CUBN: variants seen among roughly 807,000 people sequenced by gnomAD.
CUBN encodes cubilin.
CUBN carries 282 observed loss-of-function variants against 405.3 expected under a neutral mutation model. That is an observed-to-expected ratio of 0.70 (90% CI 0.63 to 0.77). CUBN has a LOEUF of 0.77. CUBN is among the 30% of genes least tolerant of loss of function. The pLI, the probability that CUBN is intolerant of heterozygous loss-of-function variation, is 0.00. For synonymous variants in CUBN, 1,684 were observed against 1,617.0 expected (o/e 1.04, Z -0.99); for missense variants, 4,514 against 4,475.2 (o/e 1.01, Z -0.25).
At chr10:17,078,341 T>A (rs1008985171) in intron 17 of CUBN, among the ~76,000 whole-genome samples, 2 of 152,200 alleles carry the variant, frequency 1.3e-5, no homozygotes, top group African/African-American at 4.8e-5. Context: ...TCTCTAGGGC[T>A]GGGTTAGCAC....
chr10:17,074,750 C>T (rs150457015), intron 17 of CUBN, among the ~76,000 whole-genome samples: 2 of 152,248 alleles, frequency 1.3e-5, no homozygotes, highest in South Asian at 2.1e-4. Flanking sequence ...TACAGCTTGC[C>T]TAGGTTTTCA....
chr10:16,935,018 C>T (rs1040724850), intron 39 of CUBN, among the ~76,000 whole-genome samples: 1 of 152,198 alleles, frequency 6.6e-6, no homozygotes, highest in African/African-American at 2.4e-5. Flanking sequence ...TCAGTTGACC[C>T]TAGTCCACAG....
chr10:17,013,647 T>C (rs1175597862), intron 28 of CUBN, among the ~76,000 whole-genome samples: 2 of 152,216 alleles, frequency 1.3e-5, no homozygotes, highest in Non-Finnish European at 2.9e-5. Context: ...TTTCTTTCCA[T>C]ATTGCAGCAC....
chr10:16,887,073 C>A (rs1358002400), intron 56 of CUBN, among the ~76,000 whole-genome samples: 1 of 152,208 alleles, frequency 6.6e-6, no homozygotes, highest in African/African-American at 2.4e-5. Flanking sequence ...TAGGCGTGAG[C>A]CACCGTGCCC....
intron 14 of CUBN, among the ~76,000 whole-genome samples, chr10:17,097,335 A>C (rs1836397429): frequency 6.6e-6 from 1 of 152,086 alleles, no homozygotes; most frequent in Non-Finnish European, 1.5e-5. Context: ...TTGAGAAAAA[A>C]ATTGCCAAAA....
At chr10:16,983,646 C>T (rs3012490) in intron 30 of CUBN, among the ~76,000 whole-genome samples, 111,445 of 152,164 alleles carry the variant, frequency 0.73, 43,699 homozygotes, top group Non-Finnish European at 0.89. Context: ...TAGATTTTTG[C>T]TATAGTTTAA....
At chr10:16,926,268 G>T (rs900671422) in intron 41 of CUBN, among the ~76,000 whole-genome samples, 12 of 152,168 alleles carry the variant, frequency 7.9e-5, no homozygotes, top group Non-Finnish European at 7.3e-5. Context: ...AAGGCTTGAT[G>T]TGTTAGAGGT....
chr10:16,902,953 A>T (rs530421821), intron 51 of CUBN, among the ~76,000 whole-genome samples: 41 of 151,862 alleles, frequency 2.7e-4, no homozygotes, highest in African/African-American at 9.2e-4. Flanking sequence ...GTGAAAAGGG[A>T]CTAGAAAACC....
At chr10:16,913,561 A>G (rs1318834538) in intron 48 of CUBN, among the ~76,000 whole-genome samples, 1 of 152,218 alleles carries the variant, frequency 6.6e-6, no homozygotes, top group Non-Finnish European at 1.5e-5. Context: ...ATTTGTCGTG[A>G]TCATTCACTC....
chr10:16,925,000 A>G (rs2131478404), intron 43 of CUBN, among the ~76,000 whole-genome samples: 1 of 152,306 alleles, frequency 6.6e-6, no homozygotes, highest in South Asian at 2.1e-4. Context: ...TTGGTCACTA[A>G]TTAGGTATGT....
chr10:16,948,534 G>A lies in CUBN; in HGVS notation c.5153C>T (p.Ser1718Phe). The change falls in exon 35 of 67, where the codon TCT (serine) becomes TTT (phenylalanine). Residue 1718 changes from serine (S) to phenylalanine (F), a missense_variant. Ser to Phe is a radical substitution (Grantham distance 155). This residue lies in a region of CUBN where 1,613 missense variants were observed against 1,542.8 expected (regional missense o/e 1.05). Transcript: ENST00000377833. ...ACCCCCAGCACTGATGCTAGAATCA[G>A]AGACGAATCTCAGCGTCAGGGCGCT... Reference protein sequence around the residue: ...FSSALTLRFVSDSSISAGGFH... With the variant: ...FSSALTLRFVFDSSISAGGFH... 2 of 1,614,128 alleles carry A rather than the reference G, an allele frequency of 1.2e-6. No individual in the cohort carries two copies. Among genetic ancestry groups the A allele is most frequent in the Non-Finnish European group, 1.7e-6 (2 of 1,179,994 alleles).
chr10:16,995,859 T>G (rs767013486), intron 28 of CUBN, among the ~76,000 whole-genome samples: 10 of 152,226 alleles, frequency 6.6e-5, no homozygotes, highest in Non-Finnish European at 1.5e-4. Flanking sequence ...AATGCATTAT[T>G]TTATTTGAAA....
chr10:17,001,677 C>A (rs1833889956), intron 28 of CUBN, among the ~76,000 whole-genome samples: 1 of 152,124 alleles, frequency 6.6e-6, no homozygotes, highest in Non-Finnish European at 1.5e-5. Context: ...TCAATTAAAC[C>A]AATGCACTAA....
chr10:16,875,680 T>G (rs1417565825), intron 57 of CUBN, among the ~76,000 whole-genome samples: 2 of 152,234 alleles, frequency 1.3e-5, no homozygotes, highest in Non-Finnish European at 2.9e-5. Context: ...TCTGGAAGTT[T>G]ATCAAGGCCT....
At chr10:17,050,167 T>C (rs1835231016) in intron 22 of CUBN, among the ~76,000 whole-genome samples, 1 of 152,220 alleles carries the variant, frequency 6.6e-6, no homozygotes, top group Non-Finnish European at 1.5e-5. Flanking sequence ...CTTCTTCCTG[T>C]ACTCTATCCT....
At chr10:16,968,025 G>A (rs925239202) in intron 31 of CUBN, among the ~76,000 whole-genome samples, 1 of 151,638 alleles carries the variant, frequency 6.6e-6, no homozygotes, top group African/African-American at 2.4e-5. Flanking sequence ...GAGAGAGGAA[G>A]AGGAGGGGAG....
chr10:16,963,443 T>A (rs1016724687), intron 31 of CUBN, among the ~76,000 whole-genome samples: 2 of 152,034 alleles, frequency 1.3e-5, no homozygotes, highest in Admixed American at 6.5e-5. Flanking sequence ...CACCTCAGCC[T>A]CCCAAAGTGC....
chr10:16,984,330 C>T (rs377135665), intron 29 of CUBN, 51 bp from the exon 30 acceptor site: 288 of 1,551,832 alleles, frequency 1.9e-4, no homozygotes, highest in Non-Finnish European at 2.4e-4. Context: ...TAAGCAATTA[C>T]AGGCCCTTGC....
At chr10:16,864,399 G>C (rs1281431733) in intron 59 of CUBN, among the ~76,000 whole-genome samples, 1 of 152,100 alleles carries the variant, frequency 6.6e-6, no homozygotes, top group Non-Finnish European at 1.5e-5. Flanking sequence ...TGGGCGGGGG[G>C]CTTGAAAATT....
Sources: allele counts gnomAD v4.1 joint callset (sites outside exome capture counted in the v4.1 genomes callset), GRCh38; gene constraint gnomAD v4.1.1; regional missense constraint gnomAD v4.1.1; transcripts MANE v1.5; gene names NCBI Gene and HGNC (gene_info 2026-07-23, HGNC 2026-07-21).